The following KHDC1 variants were observed in gnomAD, a reference collection of about 807,000 sequenced individuals.
KHDC1 encodes KH domain containing 1.
A neutral mutation model predicts 24.7 loss-of-function variants in KHDC1; 21 were observed. The observed-to-expected ratio is 0.85, with a 90% confidence interval of 0.60 to 1.23. The LOEUF (loss-of-function observed/expected upper bound fraction) is 1.23, where lower values mean the gene tolerates loss of function less well. KHDC1 is among the 50% of genes most tolerant of loss of function. KHDC1 has a pLI of 0.00. For missense variants in KHDC1, 274 were observed against 298.5 expected (o/e 0.92, Z 0.61); for synonymous variants, 98 against 111.7 (o/e 0.88, Z 0.77).
At chr6:73,258,210 G>A (rs929038064) in intron 2 of KHDC1, among the ~76,000 whole-genome samples, 3 of 152,176 alleles carry the variant, frequency 2.0e-5, no homozygotes, top group Non-Finnish European at 2.9e-5. Context: ...AGCTGAGATC[G>A]TGCCACTGCA....
At chr6:73,306,156 C>T (rs1012484415) in intron 1 of KHDC1, among the ~76,000 whole-genome samples, 4 of 152,004 alleles carry the variant, frequency 2.6e-5, no homozygotes, top group African/African-American at 9.7e-5. Flanking sequence ...ATATAGCTCC[C>T]TGAATCCTCA....
intron 2 of KHDC1, among the ~76,000 whole-genome samples, chr6:73,248,355 T>TCTCTCTCTGTCTCTCTCTCTCTCTCTCTC (rs1289818312): frequency 2.6e-5 from 4 of 151,140 alleles, no homozygotes; most frequent in African/African-American, 7.3e-5. Flanking sequence ...ATGTTCCACT[T>TCTCTCTCTGTCTCTCTCTCTCTCTCTCTC]CTCTCTCTGT....
chr6:73,278,009 G>GT (rs70994182), intron 2 of KHDC1, among the ~76,000 whole-genome samples: 2,024 of 106,280 alleles, frequency 0.019, 78 homozygotes, highest in African/African-American at 0.046. Flanking sequence ...TCTCTCGGGT[G>GT]TTTTTTTTTT....
chr6:73,253,873 T>C (rs952343041), intron 2 of KHDC1, among the ~76,000 whole-genome samples: 2 of 152,104 alleles, frequency 1.3e-5, no homozygotes, highest in Non-Finnish European at 2.9e-5. Flanking sequence ...TACACCGCAC[T>C]CCAGCTTGGG....
intron 1 of KHDC1, among the ~76,000 whole-genome samples, chr6:73,308,460 C>G (rs1768014114): frequency 6.6e-6 from 1 of 151,920 alleles, no homozygotes; most frequent in Non-Finnish European, 1.5e-5. Flanking sequence ...ATCCACCTGC[C>G]TCAGCCTCCC....
At chr6:73,284,184 C>A (rs1767473644) in intron 2 of KHDC1, among the ~76,000 whole-genome samples, 1 of 152,124 alleles carries the variant, frequency 6.6e-6, no homozygotes, top group Non-Finnish European at 1.5e-5. Context: ...TATGAGAGGG[C>A]CTGACTTCTG....
chr6:73,276,202 A>AT (rs1226127050), intron 2 of KHDC1: 2 of 152,008 alleles, frequency 1.3e-5, no homozygotes, highest in Non-Finnish European at 2.9e-5. Context: ...CTAAAAAAAA[A>AT]GAGGCCTGGT....
chr6:73,243,677 C>A (rs1210631545), intron 2 of KHDC1, among the ~76,000 whole-genome samples: 1 of 152,212 alleles, frequency 6.6e-6, no homozygotes, highest in African/African-American at 2.4e-5. Flanking sequence ...TGAAATCATG[C>A]CCCAACTCTA....
intron 2 of KHDC1, among the ~76,000 whole-genome samples, chr6:73,277,929 G>T (rs1767327502): frequency 6.8e-6 from 1 of 147,326 alleles, no homozygotes. Flanking sequence ...TTTACTGTTT[G>T]TGAAGTTAAA....
intron 1 of KHDC1, chr6:73,292,676 C>CACAGCATCTT (rs1389462712): frequency 8.0e-6 from 6 of 751,300 alleles, no homozygotes; most frequent in Non-Finnish European, 1.2e-5. Flanking sequence ...CTTTACCAGC[C>CACAGCATCTT]ACAGCATCTT....
intron 2 of KHDC1, among the ~76,000 whole-genome samples, chr6:73,251,782 TC>T (rs1304122626): frequency 1.3e-4 from 19 of 149,580 alleles, no homozygotes; most frequent in African/African-American, 3.9e-4. Flanking sequence ...TTCTTTTTTT[TC>T]CTTTTCTTTT....
intron 2 of KHDC1, among the ~76,000 whole-genome samples, chr6:73,244,603 T>G (rs1766629924): frequency 6.6e-6 from 1 of 150,606 alleles, no homozygotes. Context: ...ATTAGTCAGT[T>G]AGATTTAAAA....
chr6:73,250,562 A>T (rs1176172147), intron 2 of KHDC1, among the ~76,000 whole-genome samples: 3 of 152,260 alleles, frequency 2.0e-5, no homozygotes, highest in African/African-American at 7.2e-5. Context: ...ATATGCCTGG[A>T]ATGCCTGCTA....
At chr6:73,247,577 C>T (rs558465598) in intron 2 of KHDC1, among the ~76,000 whole-genome samples, 24 of 152,044 alleles carry the variant, frequency 1.6e-4, no homozygotes, top group Admixed American at 1.2e-3. Flanking sequence ...AGTGGACGGC[C>T]GGGCACTGTG....
intron 2 of KHDC1, among the ~76,000 whole-genome samples, chr6:73,252,832 T>A (rs1766806144): frequency 6.7e-6 from 1 of 149,606 alleles, no homozygotes; most frequent in Admixed American, 6.6e-5. Context: ...AAAAAAAAAA[T>A]TATCCACTCA....
intron 2 of KHDC1, among the ~76,000 whole-genome samples, chr6:73,258,241 C>T (rs1008821225): frequency 2.0e-5 from 3 of 151,946 alleles, no homozygotes; most frequent in South Asian, 2.1e-4. Context: ...GGCAAGAGAG[C>T]GAGACTCCGT....
chr6:73,242,700 T>G, intron 2 of KHDC1, 170 bp from the exon 2 acceptor site: 4 of 748,524 alleles, frequency 5.3e-6, no homozygotes, highest in Non-Finnish European at 8.4e-6. Flanking sequence ...TCATTCCAAG[T>G]AATTATCTGT....
intron 2 of KHDC1, among the ~76,000 whole-genome samples, chr6:73,253,332 G>C (rs534421948): frequency 1.2e-4 from 19 of 152,114 alleles, no homozygotes; most frequent in East Asian, 5.8e-4. Context: ...GAGGGGGGTG[G>C]ATCACAAGGT....
rs188134160 is a variant in KHDC1 at position 73,251,467 on chromosome 6, G to A, written c.207-8937C>T. 2.1e-4 allele frequency among the ~76,000 whole-genome samples: 32 copies of A among 152,230 alleles called. 1 individual carries two copies. In the South Asian group the frequency reaches 3.1e-3, roughly 15 times the overall value. On this transcript the variant is annotated intron_variant, in intron 2 of 4. Transcript: ENST00000370384. ...AATGTTGAATCAGGGAACCTATAGC[G>A]AACAAAAATACTATAGAAAGCCAAT... is the stretch of plus-strand genomic sequence containing the variant.
Sources: allele counts gnomAD v4.1 joint callset (sites outside exome capture counted in the v4.1 genomes callset), GRCh38; gene constraint gnomAD v4.1.1; transcripts MANE v1.5; gene names NCBI Gene and HGNC (gene_info 2026-07-23, HGNC 2026-07-21).